EEPD1: variants seen among roughly 807,000 people sequenced by gnomAD.
EEPD1 encodes endonuclease/exonuclease/phosphatase family domain-containing protein 1.
Under a neutral mutation model 46.3 loss-of-function variants are expected in EEPD1, and 17 were observed. The ratio of observed to expected loss-of-function variants is 0.37; its 90% CI spans 0.25 to 0.55. The LOEUF (loss-of-function observed/expected upper bound fraction) is 0.55. EEPD1 is among the 20% of genes least tolerant of loss of function. The pLI, the probability that EEPD1 is intolerant of heterozygous loss-of-function variation, is 0.83. For synonymous variants in EEPD1, 313 were observed against 315.6 expected, an observed-to-expected ratio of 0.99 and a Z score of 0.09; for missense variants, 673 against 745.6, an observed-to-expected ratio of 0.90 and a Z score of 1.13.
At chr7:36,169,238 G>C (rs1183951009) in intron 2 of EEPD1, among the ~76,000 whole-genome samples, 1 of 152,162 alleles carries the variant, frequency 6.6e-6, no homozygotes, top group Non-Finnish European at 1.5e-5. Flanking sequence ...TATATACCTA[G>C]GAGTGGAGTT....
At position 36,284,747 on chromosome 7, in the gene EEPD1, G is replaced by A; in HGVS notation, c.1103G>A (p.Gly368Asp). The A allele has an allele frequency of 6.2e-7, 1 of 1,606,908 alleles. No homozygotes were observed. The highest frequency in any genetic ancestry group is 8.5e-7 in the Non-Finnish European group (1 of 1,176,408). ...GCCGGCATGGAGCTGAGAGACGCGG[G>A]TTCACAGGAGAGCTCGCCAAGCAAC... ...AAAGMELRDAGSQESSPSNGH... is the reference protein window; with the variant it reads ...AAAGMELRDADSQESSPSNGH... The change falls in exon 5 of 8, where the codon GGT becomes GAT. Residue 368 changes from glycine to aspartate, a missense_variant. Transcript: ENST00000242108.
At chr7:36,292,965 T>G (rs1787471175) in intron 6 of EEPD1, among the ~76,000 whole-genome samples, 1 of 138,066 alleles carries the variant, frequency 7.2e-6, no homozygotes, top group Admixed American at 8.0e-5. Context: ...AGAATATGAT[T>G]GTTGGTTTGT....
At chr7:36,236,213 G>C (rs569516530) in intron 2 of EEPD1, among the ~76,000 whole-genome samples, 1 of 152,230 alleles carries the variant, frequency 6.6e-6, no homozygotes, top group African/African-American at 2.4e-5. Flanking sequence ...CCCTTCAGCC[G>C]GCGGCTGCGC....
intron 3 of EEPD1, among the ~76,000 whole-genome samples, chr7:36,274,086 G>T (rs895259135): frequency 1.3e-5 from 2 of 152,234 alleles, no homozygotes; most frequent in African/African-American, 2.4e-5. Context: ...TGCCCCCTCT[G>T]GGATGCATAC....
chr7:36,190,560 T>C (rs2115677173), intron 2 of EEPD1, among the ~76,000 whole-genome samples: 1 of 152,334 alleles, frequency 6.6e-6, no homozygotes, highest in East Asian at 1.9e-4. Context: ...TTTTTAGACA[T>C]GGGCCACCAT....
intron 3 of EEPD1, among the ~76,000 whole-genome samples, chr7:36,272,738 A>G (rs564327740): frequency 1.6e-4 from 24 of 152,280 alleles, no homozygotes; most frequent in African/African-American, 5.8e-4. Context: ...TCTGCATGAT[A>G]AGAATTTTAA....
At chr7:36,271,526 A>C (rs1787101841) in intron 3 of EEPD1, among the ~76,000 whole-genome samples, 1 of 151,998 alleles carries the variant, frequency 6.6e-6, no homozygotes, top group Non-Finnish European at 1.5e-5. Context: ...TGTCGGACTG[A>C]TAGATTGCAA....
intron 5 of EEPD1, among the ~76,000 whole-genome samples, chr7:36,286,286 C>T (rs963225100): frequency 6.6e-6 from 1 of 152,320 alleles, no homozygotes; most frequent in Non-Finnish European, 1.5e-5. Context: ...AGATGGGGCT[C>T]ATCTCCTCAG....
chr7:36,233,880 GTTGT>G (rs886590683), intron 2 of EEPD1, among the ~76,000 whole-genome samples: 22 of 152,226 alleles, frequency 1.4e-4, no homozygotes, highest in African/African-American at 4.8e-4. Context: ...TTGCTAATTT[GTTGT>G]TTGTTTTGTT....
chr7:36,182,121 G>A (rs1785278497), intron 2 of EEPD1, among the ~76,000 whole-genome samples: 1 of 152,160 alleles, frequency 6.6e-6, no homozygotes, highest in Non-Finnish European at 1.5e-5. Context: ...CGTTGGTTGT[G>A]GAAACAGTCT....
chr7:36,197,083 G>A (rs1476148732), intron 2 of EEPD1, among the ~76,000 whole-genome samples: 2 of 147,750 alleles, frequency 1.4e-5, no homozygotes, highest in African/African-American at 5.0e-5. Context: ...GGGAGGTGAG[G>A]AGCGTCTCTG....
chr7:36,277,902 A>T (rs1787205307), intron 3 of EEPD1, among the ~76,000 whole-genome samples: 1 of 152,210 alleles, frequency 6.6e-6, no homozygotes, highest in African/African-American at 2.4e-5. Flanking sequence ...GATGGCCCTT[A>T]AGGGTCAGGG....
At chr7:36,277,240 G>A (rs984887507) in intron 3 of EEPD1, among the ~76,000 whole-genome samples, 5 of 152,252 alleles carry the variant, frequency 3.3e-5, no homozygotes, top group African/African-American at 1.2e-4. Context: ...CCAGCCCTGG[G>A]TTCAGACCCT....
At chr7:36,233,522 G>A (rs954506976) in intron 2 of EEPD1, among the ~76,000 whole-genome samples, 4 of 152,248 alleles carry the variant, frequency 2.6e-5, no homozygotes, top group Admixed American at 2.6e-4. Flanking sequence ...GAGCAAGAAT[G>A]TCTCAGCCCC....
intron 3 of EEPD1, among the ~76,000 whole-genome samples, chr7:36,260,032 A>G (rs577673236): frequency 5.9e-5 from 9 of 152,262 alleles, no homozygotes; most frequent in Admixed American, 1.3e-4. Flanking sequence ...TTAGATTTCT[A>G]TGTATTATAG....
At chr7:36,239,182 T>C (rs1786509898) in intron 3 of EEPD1, 146 bp downstream of exon 3, 20 of 839,000 alleles carry the variant, frequency 2.4e-5, no homozygotes, top group Non-Finnish European at 3.8e-5. Flanking sequence ...TCATGCAGAA[T>C]TTTAATCTGA....
intron 2 of EEPD1, among the ~76,000 whole-genome samples, chr7:36,185,509 A>C (rs534064372): frequency 1.3e-5 from 2 of 152,178 alleles, no homozygotes; most frequent in Non-Finnish European, 2.9e-5. Flanking sequence ...TCTCTTGGGA[A>C]TATATTAGAA....
rs904191768 is a variant in EEPD1, at chr7:36,300,981, G to C, written c.*1775G>C. On this transcript the variant is annotated 3_prime_UTR_variant, in exon 8 of 8. Transcript: ENST00000242108. ...TCAGGATGCTACCAGGGAGCACATC[G>C]TTTCTGGTGCCTCATCTAAAGGTGA... 3 of 152,242 alleles carry C rather than the reference G, an allele frequency of 2.0e-5. No homozygotes were observed. The highest frequency in any genetic ancestry group is 4.4e-5 in the Non-Finnish European group (3 of 68,068). The allele number at this position is 152,242 out of a possible 1,614,324, so 9.4% of individuals were successfully genotyped here.
At chr7:36,199,706 G>A (rs1402680131) in intron 2 of EEPD1, among the ~76,000 whole-genome samples, 1 of 152,136 alleles carries the variant, frequency 6.6e-6, no homozygotes, top group East Asian at 1.9e-4. Context: ...AAGACCTCTT[G>A]CTTTACCCCT....
Sources: gnomAD v4.1 joint callset for allele counts (sites outside exome capture counted in the v4.1 genomes callset) on GRCh38, gnomAD v4.1.1 for gene constraint, MANE v1.5 for transcripts, NCBI Gene and HGNC (gene_info 2026-07-23, HGNC 2026-07-21) for gene names.